Variants in OR1S2 observed in about 807,000 individuals in gnomAD.
OR1S2 encodes the protein olfactory receptor family 1 subfamily S member 2.
A neutral mutation model predicts 1.7 loss-of-function variants in OR1S2; 1 was observed. The ratio of observed to expected loss-of-function variants is 0.59; its 90% CI spans 0.21 to 2.81. OR1S2 has a LOEUF of 2.81. Among genes scored for constraint, OR1S2 ranks in the 30% most tolerant of loss-of-function variants. OR1S2 has a pLI of 0.22. For missense variants in OR1S2, 391 were observed against 371.6 expected (o/e 1.05, Z -0.43); for synonymous variants, 157 against 145.3 (o/e 1.08, Z -0.58).
chr11:58,203,734 G>A lies in OR1S2; in HGVS notation c.409C>T (p.Arg137Trp), dbSNP rs146071306. Residue 137 changes from arginine (R) to tryptophan (W), a missense_variant, in exon 1 of 1, where the codon CGG (arginine) becomes TGG (tryptophan). Coordinates refer to ENST00000641683, the Ensembl canonical transcript of OR1S2. ...GTGAGCAAAGTGCCGAACCTGGCCC[G>A]CATGAAAGTTGTATAGTTCAGAGGG... 8.9e-5 allele frequency: 144 copies of A among 1,613,978 alleles called. No individual in the cohort carries two copies. The African/African-American group carries it at 1.5e-3, about 17-fold the overall frequency.
chr11:58,203,552 A>C (rs1854872553), exon 1 of OR1S2: 1 of 1,614,056 alleles, frequency 6.2e-7, no homozygotes, highest in South Asian at 1.1e-5. Flanking sequence ...TAAACAACAC[A>C]AGCTCATTGA....
exon 1 of OR1S2, chr11:58,203,620 G>A: frequency 6.2e-7 from 1 of 1,614,168 alleles, no homozygotes. Flanking sequence ...AAGAAGTGTG[G>A]GAGAGTGTTG....
Position 58,203,236 on chromosome 11 carries a change from T to C in OR1S2, c.907A>G (p.Lys303Glu), listed in dbSNP as rs542852724. ...GAAGAAATTTTTCTATTGATGAGCT[T>C]TCTCAGGGCACCTTTCATATCCTTA... is the stretch of plus-strand genomic sequence containing the variant. Residue 303 changes from lysine to glutamate, a missense_variant, in exon 1 of 1, where the codon AAG becomes GAG. Transcript: ENST00000641683. 136 of 1,611,354 alleles carry C rather than the reference T, an allele frequency of 8.4e-5. 1 individual carries two copies. Among genetic ancestry groups the C allele is most frequent in the Admixed American group, 7.0e-4 (42 of 59,692 alleles).
chr11:58,203,546 C>A lies in OR1S2; in HGVS notation c.597G>T (p.Leu199Phe), dbSNP rs769990765. The A allele has an allele frequency of 3.7e-6, 6 of 1,614,104 alleles. No individual in the cohort carries two copies. The South Asian group carries it at 4.4e-5, about 12-fold the overall frequency. Residue 199 changes from leucine to phenylalanine, a missense_variant, in exon 1 of 1, where the codon TTG (leucine) becomes TTT (phenylalanine). Transcript: ENST00000641683. ...TGATAACTGATAAACCCACAATAAA[C>A]AACACAAGCTCATTGATCATTGTAT...
chr11:58,203,747 A>G (rs781268731), exon 1 of OR1S2: 7 of 1,614,086 alleles, frequency 4.3e-6, no homozygotes, highest in East Asian at 2.2e-5. Context: ...TGAAAGTTGT[A>G]TAGTTCAGAG....
At chr11:58,203,787 G>A in exon 1 of OR1S2, 1 of 1,614,072 alleles carries the variant, frequency 6.2e-7, no homozygotes, top group African/African-American at 1.3e-5. Context: ...GTGGTCGAAG[G>A]CCATGGTCCC....
chr11:58,203,793 G>A, exon 1 of OR1S2: 2 of 1,614,104 alleles, frequency 1.2e-6, no homozygotes, highest in South Asian at 1.1e-5. Flanking sequence ...GAAGGCCATG[G>A]TCCCCAAAAG....
chr11:58,204,020 C>T (rs758172674), exon 1 of OR1S2: 36 of 1,613,886 alleles, frequency 2.2e-5, no homozygotes, highest in Non-Finnish European at 3.1e-5. Flanking sequence ...TGAGCCCGTT[C>T]CCAACCACAG....
exon 1 of OR1S2, chr11:58,203,229 A>G (rs771560078): frequency 6.2e-7 from 1 of 1,610,348 alleles, no homozygotes; most frequent in Non-Finnish European, 8.5e-7. Context: ...TTTTCTATTG[A>G]TGAGCTTTCT....
At chr11:58,203,844 T>C in exon 1 of OR1S2, 1 of 1,614,110 alleles carries the variant, frequency 6.2e-7, no homozygotes, top group Non-Finnish European at 8.5e-7. Context: ...AAAGTACATC[T>C]GTGTGATGCA....
exon 1 of OR1S2, chr11:58,203,258 C>T (rs776154395): frequency 6.2e-7 from 1 of 1,613,878 alleles, no homozygotes; most frequent in Admixed American, 1.7e-5. Flanking sequence ...CTTTCATATC[C>T]TTATTCCTCA....
At chr11:58,203,362 A>C in exon 1 of OR1S2, 1 of 1,614,024 alleles carries the variant, frequency 6.2e-7, no homozygotes, top group Non-Finnish European at 8.5e-7. Context: ...GAGGAGGGGA[A>C]AAAGTACACG....
chr11:58,203,639 G>A lies in OR1S2; in HGVS notation c.504C>T (p.Phe168=), dbSNP rs1266619981. The A allele has an allele frequency of 5.0e-6, 8 of 1,614,196 alleles. No homozygotes were observed. In the South Asian group the frequency reaches 8.8e-5, roughly 18 times the overall value. ...AGTGTGGGAGAGTGTTGTGGTCACA[G>A]AAGAGCAATTGAATGAGCAGAAGGG... is the stretch of plus-strand genomic sequence containing the variant. Residue 168 remains phenylalanine (F), a synonymous_variant, in exon 1 of 1, where the codon TTC becomes TTT. Coordinates refer to ENST00000641683, the Ensembl canonical transcript of OR1S2.
exon 1 of OR1S2, chr11:58,204,102 A>G (rs1854883591): frequency 6.2e-7 from 1 of 1,613,972 alleles, no homozygotes; most frequent in South Asian, 1.1e-5. Flanking sequence ...GAGTCCCAGG[A>G]GAATGAATTC....
chr11:58,203,395 G>A (rs1287646577), exon 1 of OR1S2: 1 of 1,613,934 alleles, frequency 6.2e-7, no homozygotes, highest in African/African-American at 1.3e-5. Flanking sequence ...CCGTAGAACA[G>A]TAATGCAATT....
rs753779962 is a variant in OR1S2, at chr11:58,203,952, G to T, written c.191C>A (p.Ala64Asp). 2 of 1,614,110 alleles carry T rather than the reference G, an allele frequency of 1.2e-6. No individual in the cohort carries two copies. Among genetic ancestry groups the T allele is most frequent in the East Asian group, 4.5e-5 (2 of 44,882 alleles). The change falls in exon 1 of 1, where the codon GCC becomes GAC. Residue 64 changes from alanine to aspartate, a missense_variant. Ala to Asp is a moderately radical substitution (Grantham distance 126). Coordinates refer to ENST00000641683, the Ensembl canonical transcript of OR1S2. The stretch of plus-strand genomic sequence containing the variant: ...GGAAATATCAGCAAAGGATAGGTAG[G>T]CAAGGAAGAGATACATGGGGGTGTG...
At chr11:58,203,829 A>G (rs1854878783) in exon 1 of OR1S2, 1 of 1,614,150 alleles carries the variant, frequency 6.2e-7, no homozygotes, top group Non-Finnish European at 8.5e-7. Flanking sequence ...GACAAACACA[A>G]TAGAAAAGTA....
chr11:58,203,450 T>A (rs140853489), exon 1 of OR1S2: 7 of 1,613,860 alleles, frequency 4.3e-6, no homozygotes, highest in Non-Finnish European at 5.9e-6. Context: ...ACTTTCCCTG[T>A]GTGGATGATA....
At chr11:58,203,500 A>G in exon 1 of OR1S2, 1 of 1,614,120 alleles carries the variant, frequency 6.2e-7, no homozygotes, top group Non-Finnish European at 8.5e-7. Flanking sequence ...TAGGAGAAGA[A>G]GATGAGTACA....
Sources: gnomAD v4.1 joint callset for allele counts on GRCh38, gnomAD v4.1.1 for gene constraint, MANE v1.5 for transcripts, NCBI Gene and HGNC (gene_info 2026-07-23, HGNC 2026-07-21) for gene names.